Variants in NCF4 observed in about 807,000 individuals in gnomAD.
NCF4 encodes the protein neutrophil cytosolic factor 4.
NCF4 carries 30 observed loss-of-function variants against 41.7 expected under a neutral mutation model. The observed-to-expected ratio is 0.72, with a 90% CI of 0.54 to 0.97. NCF4 has a LOEUF of 0.97. Among genes scored for constraint, NCF4 ranks in the 50% least tolerant of loss-of-function variants. NCF4 has a pLI of 0.00. For synonymous variants in NCF4, 195 were observed against 175.8 expected (o/e 1.11, Z -0.87); for missense variants, 432 against 460.9 (o/e 0.94, Z 0.57).
chr22:36,870,150 A>G (rs1940018325), intron 4 of NCF4: 1 of 521,816 alleles, frequency 1.9e-6, no homozygotes, highest in Non-Finnish European at 3.5e-6. Flanking sequence ...CTGTTTCTGG[A>G]GAACTTTAAG....
chr22:36,865,160 A>C lies in NCF4; in HGVS notation c.271+88A>C. ...TGACACTGTTCTGTGATTTGATCTC[A>C]ACCCCAGTGAAAACTGTTCATGTAG... On this transcript the variant is annotated intron_variant, in intron 3 of 9. Transcript: ENST00000248899. This position sits in a 1 kb window ranked among gnomAD's most constrained non-coding sequence, Gnocchi z 4.3. 241 of 1,547,656 alleles carry C rather than the reference A, an allele frequency of 1.6e-4. No individual in the cohort carries two copies. The highest frequency in any genetic ancestry group is 1.9e-4 in the Non-Finnish European group (221 of 1,139,290).
intron 3 of NCF4, among the ~76,000 whole-genome samples, chr22:36,866,433 C>G (rs985572036): frequency 2.6e-5 from 4 of 152,210 alleles, no homozygotes; most frequent in Admixed American, 1.3e-4. Context: ...TTCAGCTTCT[C>G]TGTTACAGAA....
In NCF4 at chr22:36,870,488, A is replaced by C; in HGVS notation, c.416A>C (p.Asp139Ala). The change falls in exon 5 of 10, where the codon GAC becomes GCC. Residue 139 changes from aspartate to alanine, a missense_variant. By Grantham distance (126) the Asp-to-Ala change is moderately radical (BLOSUM62 -2). Transcript: ENST00000248899. Reference protein sequence around the residue: ...VRIFFYQSPYDSEQVPQALRR... With the variant: ...VRIFFYQSPYASEQVPQALRR... ...ATCTTCTTTTACCAGTCGCCCTATG[A>C]CTCAGAGCAGGTGCCCCAGGCACTC... The C allele has an allele frequency of 6.2e-7, 1 of 1,613,684 alleles. No homozygotes were observed. The highest frequency in any genetic ancestry group is 1.3e-5 in the African/African-American group (1 of 74,942).
At chr22:36,874,718 C>G (rs924870317) in intron 7 of NCF4, among the ~76,000 whole-genome samples, 2 of 152,148 alleles carry the variant, frequency 1.3e-5, no homozygotes, top group African/African-American at 4.8e-5. Flanking sequence ...AATCCATGTT[C>G]CATAGGGTCG....
At chr22:36,875,952 G>A (rs1212518052) in intron 8 of NCF4, 77 bp from the exon 9 acceptor site, 1 of 1,614,142 alleles carries the variant, frequency 6.2e-7, no homozygotes. Context: ...GGCCTGGCCA[G>A]CCTCATTCCC....
intron 5 of NCF4, 66 bp downstream of exon 5, chr22:36,870,608 T>C: frequency 1.3e-6 from 2 of 1,577,222 alleles, no homozygotes; most frequent in Non-Finnish European, 1.7e-6. Flanking sequence ...AAAGCATCTC[T>C]TTTCCCTGAA....
At position 36,871,636 on chromosome 22, in the gene NCF4, T is replaced by A. The variant is rs367845047; in HGVS notation, c.471-16T>A. ...GAGAATCACAGGGCTAACAAGCCCCTCTTCTCTCTCCACAGCAAGAGCGTG... is the reference window on the plus strand; with the variant it reads ...GAGAATCACAGGGCTAACAAGCCCCACTTCTCTCTCCACAGCAAGAGCGTG... On this transcript the variant is annotated splice_polypyrimidine_tract_variant and intron_variant, in intron 5 of 9. Coordinates refer to ENST00000248899, the MANE Select transcript of NCF4 (RefSeq NM_000631.5). 2.6e-6 allele frequency: 4 copies of A among 1,559,480 alleles called. No individual in the cohort carries two copies. The highest frequency in any genetic ancestry group is 2.7e-5 in the African/African-American group (2 of 73,602).
At chr22:36,864,856 C>A (rs1011540112) in intron 2 of NCF4, 63 bp from the exon 3 acceptor site, 2 of 1,602,236 alleles carry the variant, frequency 1.2e-6, no homozygotes, top group African/African-American at 1.3e-5. Context: ...CTTTTCCCTT[C>A]CACCTCTTTT....
chr22:36,876,987 T>G (rs1401615238), intron 9 of NCF4, among the ~76,000 whole-genome samples: 3 of 151,122 alleles, frequency 2.0e-5, no homozygotes, highest in Non-Finnish European at 4.4e-5. Context: ...TTCTCCTCAA[T>G]AGCCTCACAC....
Position 36,871,644 on chromosome 22 carries a change from C to G in NCF4, c.471-8C>G. 1 of 1,563,584 alleles carries G rather than the reference C, an allele frequency of 6.4e-7. No individual in the cohort carries two copies. The highest frequency in any genetic ancestry group is 8.7e-7 in the Non-Finnish European group (1 of 1,153,112). On this transcript the variant is annotated splice_polypyrimidine_tract_variant and splice_region_variant and intron_variant, in intron 5 of 9. Coordinates refer to ENST00000248899, the MANE Select transcript of NCF4 (RefSeq NM_000631.5). ...CAGGGCTAACAAGCCCCTCTTCTCT[C>G]TCCACAGCAAGAGCGTGTCCCCACA...
At chr22:36,877,456 C>T (rs185156224) in intron 9 of NCF4, among the ~76,000 whole-genome samples, 172 bp from the exon 10 acceptor site, 63 of 152,232 alleles carry the variant, frequency 4.1e-4, no homozygotes, top group Non-Finnish European at 5.1e-4. Flanking sequence ...TTTTAGGCCT[C>T]GATATCCCCA....
intron 7 of NCF4, among the ~76,000 whole-genome samples, chr22:36,875,437 T>C (rs1048179031): frequency 1.3e-5 from 2 of 152,216 alleles, no homozygotes; most frequent in African/African-American, 4.8e-5. Flanking sequence ...CAGCTTTCTA[T>C]ATAAATCCAG....
chr22:36,864,450 C>T (rs1939873299), intron 2 of NCF4, among the ~76,000 whole-genome samples: 5 of 152,322 alleles, frequency 3.3e-5, no homozygotes, highest in African/African-American at 7.2e-5. Flanking sequence ...ATCCTGATCG[C>T]GTCCTTTGAC....
chr22:36,865,113 C>A lies in NCF4; in HGVS notation c.271+41C>A, dbSNP rs751228394. 6.2e-7 allele frequency: 1 copy of A among 1,601,092 alleles called. No individual in the cohort carries two copies. Among genetic ancestry groups the A allele is most frequent in the Non-Finnish European group, 8.5e-7 (1 of 1,178,830 alleles). ...CGTCCTGCTGCTGCAGAGCTGCTGA[C>A]TCTCCTTCCTTCCAGGGCCCCTGAC... On this transcript the variant is annotated intron_variant, in intron 3 of 9. Coordinates refer to ENST00000248899, the MANE Select transcript of NCF4 (RefSeq NM_000631.5). The surrounding 1 kb of genome is among the most constrained non-coding windows in gnomAD (Gnocchi z 4.3).
Position 36,871,717 on chromosome 22 carries a change from C to T in NCF4, c.528+8C>T. The T allele has an allele frequency of 1.9e-6, 3 of 1,557,870 alleles. No individual in the cohort carries two copies. Among genetic ancestry groups the T allele is most frequent in the Non-Finnish European group, 2.6e-6 (3 of 1,150,210 alleles). Reference sequence around the variant, plus strand: ...GCAGCTCCGAGAGCAGAGGTAACCCCCGCCCCCACGCTGGCCAGGCTCTCA... The same window carrying T: ...GCAGCTCCGAGAGCAGAGGTAACCCTCGCCCCCACGCTGGCCAGGCTCTCA... On this transcript the variant is annotated splice_region_variant and intron_variant, in intron 6 of 9. Coordinates refer to ENST00000248899, the MANE Select transcript of NCF4 (RefSeq NM_000631.5).
chr22:36,870,080 A>G (rs1435669854), intron 4 of NCF4: 4 of 384,630 alleles, frequency 1.0e-5, no homozygotes, highest in Non-Finnish European at 2.0e-5. Flanking sequence ...AAGGGCGCGC[A>G]TGTGATACCC....
At position 36,876,091 on chromosome 22, in the gene NCF4, C is replaced by T; in HGVS notation, c.821C>T (p.Thr274Ile). 1 of 1,606,892 alleles carries T rather than the reference C, an allele frequency of 6.2e-7. No homozygotes were observed. The highest frequency in any genetic ancestry group is 8.5e-7 in the Non-Finnish European group (1 of 1,175,536). The change falls in exon 9 of 10, where the codon ACA becomes ATA. Residue 274 changes from threonine to isoleucine, a missense_variant. By Grantham distance (89) the Thr-to-Ile change is moderately conservative. Coordinates refer to ENST00000248899, the MANE Select transcript of NCF4 (RefSeq NM_000631.5). ...CTATTGAAAGACCTGCTGGAGCTCA[C>T]AAGGTGAGGGGCTGGGAATGGGGCT... Reference protein sequence around the residue: ...TPLLKDLLELTRREFQREDIA... With the variant: ...TPLLKDLLELIRREFQREDIA...
chr22:36,865,512 CCTT>C lies in NCF4; in HGVS notation c.271+446_271+448del, dbSNP rs1180285173. Among the ~76,000 whole-genome samples the C allele has an allele frequency of 1.3e-5, 2 of 152,178 alleles. No individual in the cohort carries two copies. Among genetic ancestry groups the C allele is most frequent in the African/African-American group, 4.8e-5 (2 of 41,432 alleles). ...TGGCTTCCAGCGTCCCTGTGGCTCT[CCTT>C]CTTCTCCTGTCCCGCCAGGAAGCTG... On this transcript the variant is annotated intron_variant, in intron 3 of 9. Coordinates refer to ENST00000248899, the MANE Select transcript of NCF4 (RefSeq NM_000631.5). This position sits in a 1 kb window ranked among gnomAD's most constrained non-coding sequence, Gnocchi z 4.3.
At chr22:36,877,417 G>A (rs531549105) in intron 9 of NCF4, among the ~76,000 whole-genome samples, 22 of 152,262 alleles carry the variant, frequency 1.4e-4, no homozygotes, top group Non-Finnish European at 2.6e-4. Context: ...AATTATAAGC[G>A]TGAGCCACCG....
Sources: allele counts gnomAD v4.1 joint callset (sites outside exome capture counted in the v4.1 genomes callset), GRCh38; gene constraint gnomAD v4.1.1; non-coding constraint Gnocchi (gnomAD v3.1); transcripts MANE v1.5; gene names NCBI Gene and HGNC (gene_info 2026-07-23, HGNC 2026-07-21).